Variants in NBEA observed in about 807,000 individuals in gnomAD.
The protein encoded by NBEA is lysosomal-trafficking regulator 2.
A neutral mutation model predicts 343.4 loss-of-function variants in NBEA; 44 were observed. The ratio of observed to expected loss-of-function variants is 0.13; its 90% CI spans 0.10 to 0.16. NBEA has a LOEUF of 0.16. Ranked by LOEUF, NBEA falls within the 10% of genes least tolerant of loss-of-function variation. The probability of loss-of-function intolerance (pLI) is 1.00; values close to 1 mark genes in which losing one functional copy is unlikely to be tolerated. For missense variants in NBEA, 2,555 were observed against 3,631.3 expected (o/e 0.70, Z 7.62); for synonymous variants, 1,175 against 1,238.7 (o/e 0.95, Z 1.08).
chr13:35,504,672 G>T (rs1250935669), intron 41 of NBEA, among the ~76,000 whole-genome samples: 3 of 151,844 alleles, frequency 2.0e-5, no homozygotes, highest in African/African-American at 7.3e-5. Context: ...TCACTCTGTT[G>T]CTCAAGCTAG....
chr13:35,346,230 C>G (rs2039865726), intron 36 of NBEA, among the ~76,000 whole-genome samples: 1 of 152,026 alleles, frequency 6.6e-6, no homozygotes, highest in Admixed American at 6.6e-5. Flanking sequence ...CTGCTGTCTC[C>G]TGTTAATCTA....
intron 1 of NBEA, among the ~76,000 whole-genome samples, chr13:35,031,166 T>C (rs2062202309): frequency 6.6e-6 from 1 of 151,702 alleles, no homozygotes; most frequent in Non-Finnish European, 1.5e-5. Flanking sequence ...ATTGGTTCAA[T>C]CAATAAGTGT....
rs552311859 is a variant in NBEA, at chr13:35,533,144, G to A, written c.6586-17333G>A. Among the ~76,000 whole-genome samples the A allele has an allele frequency of 9.2e-5, 14 of 152,132 alleles. 1 individual carries two copies. The South Asian group carries it at 2.7e-3, about 29-fold the overall frequency. ...TGAGAACTTGTTTTTCTCACAGTAA[G>A]CTCAGTATTAGCAAACTTTTGGATT... is the stretch of plus-strand genomic sequence containing the variant. On this transcript the variant is annotated intron_variant, in intron 41 of 58. Transcript: ENST00000379939.
rs551978270 is a variant in NBEA at position 35,225,794 on chromosome 13, A to G, written c.5649-6698A>G. On this transcript the variant is annotated intron_variant, in intron 33 of 58. Coordinates refer to ENST00000379939, the MANE Select transcript of NBEA (RefSeq NM_001385012.1). ...CATCCTAAGTCTTCTTGGAGTTCCTATCCTCAGATTTCAAGCTGTTTGGTT... is the reference window on the plus strand; with the variant it reads ...CATCCTAAGTCTTCTTGGAGTTCCTGTCCTCAGATTTCAAGCTGTTTGGTT... 1.0e-3 allele frequency among the ~76,000 whole-genome samples: 158 copies of G among 152,158 alleles called. No homozygotes were observed. In the Middle Eastern group the frequency reaches 0.014, roughly 13 times the overall value.
At chr13:35,040,552 A>T (rs17051480) in intron 1 of NBEA, among the ~76,000 whole-genome samples, 12,585 of 152,150 alleles carry the variant, frequency 0.083, 648 homozygotes, top group African/African-American at 0.14. Flanking sequence ...AATGTCAAAA[A>T]AAATGAATTT....
intron 12 of NBEA, among the ~76,000 whole-genome samples, chr13:35,110,366 T>G (rs2152658364): frequency 6.6e-6 from 1 of 152,184 alleles, no homozygotes; most frequent in South Asian, 2.1e-4. Flanking sequence ...TGAGGAGAAT[T>G]TGAAATTGCA....
At chr13:35,197,380 G>A (rs2072692928) in intron 31 of NBEA, among the ~76,000 whole-genome samples, 1 of 152,186 alleles carries the variant, frequency 6.6e-6, no homozygotes, top group East Asian at 1.9e-4. Flanking sequence ...AAATGGAAAT[G>A]TCAAAGTATA....
At chr13:34,954,354 T>C (rs2059431575) in intron 1 of NBEA, among the ~76,000 whole-genome samples, 1 of 152,184 alleles carries the variant, frequency 6.6e-6, no homozygotes, top group African/African-American at 2.4e-5. Flanking sequence ...GCACATTATC[T>C]TACCTTGCTA....
intron 49 of NBEA, among the ~76,000 whole-genome samples, chr13:35,640,885 A>G (rs975974281): frequency 3.3e-5 from 5 of 151,934 alleles, no homozygotes; most frequent in Non-Finnish European, 7.4e-5. Flanking sequence ...TCCATGTTTT[A>G]GAACTTCCTC....
In NBEA at chr13:35,317,589, C is replaced by T. The variant is rs145978578; in HGVS notation, c.5903+7997C>T. On this transcript the variant is annotated intron_variant, in intron 36 of 58. Transcript: ENST00000379939. ...CTTAGGATTGTCTTGGCTATACGGG[C>T]TCTTTTTTGGTTCCATATTAAATTG... 8.8e-4 allele frequency among the ~76,000 whole-genome samples: 134 copies of T among 152,252 alleles called. 2 individuals are homozygous for T. The East Asian group carries it at 0.024, about 27-fold the overall frequency.
chr13:35,353,926 G>A (rs894068315), intron 38 of NBEA, among the ~76,000 whole-genome samples: 11 of 152,068 alleles, frequency 7.2e-5, no homozygotes, highest in African/African-American at 2.7e-4. Context: ...GAAATCTGTA[G>A]GACAGGCTGG....
intron 33 of NBEA, among the ~76,000 whole-genome samples, chr13:35,222,925 T>A (rs2074451201): frequency 6.6e-6 from 1 of 152,084 alleles, no homozygotes; most frequent in African/African-American, 2.4e-5. Flanking sequence ...GGTCAGGAAT[T>A]TGAGAGTACT....
intron 17 of NBEA, among the ~76,000 whole-genome samples, chr13:35,135,563 T>TA (rs1263796818): frequency 6.6e-6 from 1 of 151,964 alleles, no homozygotes; most frequent in Non-Finnish European, 1.5e-5. Context: ...GTCATTCTGG[T>TA]AAAAAATATA....
intron 10 of NBEA, among the ~76,000 whole-genome samples, chr13:35,085,731 A>C (rs2064718960): frequency 6.6e-6 from 1 of 152,158 alleles, no homozygotes; most frequent in Non-Finnish European, 1.5e-5. Flanking sequence ...AGTTCTGGCC[A>C]GGGCAATCAG....
At chr13:35,248,390 A>G (rs1285860202) in intron 34 of NBEA, among the ~76,000 whole-genome samples, 2 of 152,232 alleles carry the variant, frequency 1.3e-5, no homozygotes, top group Admixed American at 6.5e-5. Context: ...CTGTGTGGGG[A>G]AAAAAAGCCC....
chr13:35,204,724 A>T (rs2073265416), intron 31 of NBEA, among the ~76,000 whole-genome samples: 1 of 152,186 alleles, frequency 6.6e-6, no homozygotes, highest in South Asian at 2.1e-4. Flanking sequence ...TGAATAGTTT[A>T]GTTCAATGGC....
chr13:35,516,813 A>G lies in NBEA; in HGVS notation c.6586-33664A>G, dbSNP rs1026872759. On this transcript the variant is annotated intron_variant, in intron 41 of 58. Transcript: ENST00000379939. ...AGACACTGTTCTAGGCACTTTGTATATATTATCTAACTTAACATAGTTATA... is the reference window on the plus strand; with the variant it reads ...AGACACTGTTCTAGGCACTTTGTATGTATTATCTAACTTAACATAGTTATA... 3.9e-5 allele frequency among the ~76,000 whole-genome samples: 6 copies of G among 152,314 alleles called. No individual in the cohort carries two copies. The East Asian group carries it at 9.7e-4, about 25-fold the overall frequency.
rs1368758552 is a variant in NBEA at position 35,182,499 on chromosome 13, G to A, written c.4802G>A (p.Arg1601Lys). 2.5e-6 allele frequency: 4 copies of A among 1,609,744 alleles called. No individual in the cohort carries two copies. In the Admixed American group the frequency reaches 5.0e-5, roughly 20 times the overall value. Reference sequence around the variant, plus strand: ...GGAAGCCAACCAGGTAGAAACATCAGGCAAGAAATAAATTCACCAACAAGT... The same window carrying A: ...GGAAGCCAACCAGGTAGAAACATCAAGCAAGAAATAAATTCACCAACAAGT... ...RTGSQPGRNIRQEINSPTSTV... is the reference protein window; with the variant it reads ...RTGSQPGRNIKQEINSPTSTV... The change falls in exon 29 of 59, where the codon AGG (arginine) becomes AAG (lysine). Residue 1601 changes from arginine (R) to lysine (K), a missense_variant. Arg to Lys is a conservative substitution (Grantham distance 26, BLOSUM62 2). This residue lies in a region of NBEA where 270 missense variants were observed against 293.3 expected (regional missense o/e 0.92). Coordinates refer to ENST00000379939, the MANE Select transcript of NBEA (RefSeq NM_001385012.1).
chr13:35,193,021 C>G (rs534840469), intron 30 of NBEA, among the ~76,000 whole-genome samples: 11 of 152,020 alleles, frequency 7.2e-5, no homozygotes, highest in African/African-American at 2.6e-4. Flanking sequence ...TAATTAAACT[C>G]TATAAAAATT....
Sources: gnomAD v4.1 joint callset for allele counts (sites outside exome capture counted in the v4.1 genomes callset) on GRCh38, gnomAD v4.1.1 for gene constraint, gnomAD v4.1.1 regional missense constraint, MANE v1.5 for transcripts, NCBI Gene and HGNC (gene_info 2026-07-23, HGNC 2026-07-21) for gene names.